The following TSC22D1 variants were observed in gnomAD, a reference collection of about 807,000 sequenced individuals.
TSC22D1 encodes TSC22 domain family member 1, also known as TSC22 domain family protein 1.
TSC22D1 carries 9 observed loss-of-function variants against 74.2 expected under a neutral mutation model. That is an observed-to-expected ratio of 0.12 (90% confidence interval 0.07 to 0.21). The LOEUF (loss-of-function observed/expected upper bound fraction) is 0.21, where lower values mean the gene tolerates loss of function less well. Among genes scored for constraint, TSC22D1 ranks in the 10% least tolerant of loss-of-function variants. The pLI is 1.00. For missense variants in TSC22D1, 1,427 were observed against 1,304.7 expected (o/e 1.09, Z -1.44); for synonymous variants, 586 against 492.5 (o/e 1.19, Z -2.51).
intron 1 of TSC22D1, among the ~76,000 whole-genome samples, chr13:44,555,749 CA>C (rs572955074): frequency 0.012 from 1,641 of 139,026 alleles, 21 homozygotes; most frequent in African/African-American, 0.036. Context: ...ATTAAAATAC[CA>C]AAAAAAAAAA....
In TSC22D1 at chr13:44,464,275, C is replaced by T. The variant is rs80187393; in HGVS notation, c.2913-28180G>A. On this transcript the variant is annotated intron_variant, in intron 1 of 2. Transcript: ENST00000458659. ...GTAATTTTGTCTTCTACTTCCTAAA[C>T]TTTCTTTAAGGTTATGTCACTTTCA... Among the ~76,000 whole-genome samples the T allele has an allele frequency of 3.4e-3, 512 of 152,198 alleles. 3 individuals carry two copies. The highest frequency in any genetic ancestry group is 0.012 in the African/African-American group (488 of 41,500).
intron 1 of TSC22D1, among the ~76,000 whole-genome samples, chr13:44,481,597 T>C (rs538213780): frequency 2.0e-5 from 3 of 152,220 alleles, no homozygotes; most frequent in Non-Finnish European, 4.4e-5. Context: ...AAGCATCTAC[T>C]ATGCTCAGGA....
At chr13:44,491,553 CAA>C (rs1166772028) in intron 1 of TSC22D1, among the ~76,000 whole-genome samples, 9 of 56,074 alleles carry the variant, frequency 1.6e-4, no homozygotes, top group Middle Eastern at 0.01. Flanking sequence ...GACTCCGTCT[CAA>C]AAAAAAAAAA....
At chr13:44,506,348 T>C (rs1400021718) in intron 1 of TSC22D1, among the ~76,000 whole-genome samples, 1 of 152,198 alleles carries the variant, frequency 6.6e-6, no homozygotes, top group Non-Finnish European at 1.5e-5. Flanking sequence ...TGGATAGAGC[T>C]GGAAGCCATT....
intron 1 of TSC22D1, among the ~76,000 whole-genome samples, chr13:44,467,373 TG>T (rs1328933520): frequency 6.6e-6 from 1 of 151,934 alleles, no homozygotes; most frequent in East Asian, 1.9e-4. Context: ...CAAAAGCAAG[TG>T]TAACAAAAAC....
rs1156754540 is a variant in TSC22D1, at chr13:44,575,203, G to C, written c.872C>G (p.Thr291Ser). 1.2e-6 allele frequency: 2 copies of C among 1,613,926 alleles called. No individual in the cohort carries two copies. The highest frequency in any genetic ancestry group is 2.7e-5 in the African/African-American group (2 of 74,922). Reference sequence around the variant, plus strand: ...TGTAGTACTTGGAGCACGCATATTAGTCATTACAGATGCAGGTGAACCACT... The same window carrying C: ...TGTAGTACTTGGAGCACGCATATTACTCATTACAGATGCAGGTGAACCACT... Reference protein sequence around the residue: ...SSSGSPASVMTNMRAPSTTGG... With the variant: ...SSSGSPASVMSNMRAPSTTGG... Residue 291 changes from threonine to serine, a missense_variant, in exon 1 of 3, where the codon ACT (threonine) becomes AGT (serine). This residue lies in a region of TSC22D1 where 1,343 missense variants were observed against 1,191.5 expected (regional missense o/e 1.13). Coordinates refer to ENST00000458659, the MANE Select transcript of TSC22D1 (RefSeq NM_183422.4).
intron 1 of TSC22D1, among the ~76,000 whole-genome samples, chr13:44,485,578 T>C (rs192845904): frequency 3.3e-5 from 5 of 152,250 alleles, no homozygotes; most frequent in Admixed American, 3.3e-4. Context: ...TGGAAATGGG[T>C]ACTCAGATAT....
chr13:44,494,290 C>T (rs1384399066), intron 1 of TSC22D1, among the ~76,000 whole-genome samples: 1 of 138,990 alleles, frequency 7.2e-6, no homozygotes, highest in Non-Finnish European at 1.5e-5. Flanking sequence ...GCAGGAGAAT[C>T]GCTTGAACCC....
chr13:44,512,644 TA>T (rs1322447936), intron 1 of TSC22D1, among the ~76,000 whole-genome samples: 1 of 139,402 alleles, frequency 7.2e-6, no homozygotes, highest in East Asian at 2.0e-4. Flanking sequence ...AGGAATTCCT[TA>T]GTAAAAGCAA....
chr13:44,432,158 TTTA>T lies in TSC22D1; in HGVS notation c.*2465_*2467del, dbSNP rs1329191447. On this transcript the variant is annotated 3_prime_UTR_variant, in exon 3 of 3. Coordinates refer to ENST00000458659, the MANE Select transcript of TSC22D1 (RefSeq NM_183422.4). Reference sequence around the variant, plus strand: ...GAGGAACATGTATGGAAAGACATCTTTTAATAATTCATTCTTATTTCACAAATA... The same window carrying T: ...GAGGAACATGTATGGAAAGACATCTTATAATTCATTCTTATTTCACAAATA... 2.0e-5 allele frequency: 3 copies of T among 152,220 alleles called. No individual in the cohort carries two copies. Among genetic ancestry groups the T allele is most frequent in the Non-Finnish European group, 4.4e-5 (3 of 68,030 alleles). The allele number at this position is 152,220 out of a possible 1,614,324, so 9.4% of individuals were successfully genotyped here. A position where few individuals can be genotyped will look rare whatever the true frequency, so the allele number is the denominator to read the frequency against.
At position 44,552,763 on chromosome 13, in the gene TSC22D1, C is replaced by T. The variant is rs183223841; in HGVS notation, c.2912+20400G>A. ...CAGCACTTTGGGAGGCCGAGGCAGGCGGATCACAAGGTTAGGAGATCGAGA... is the reference window on the plus strand; with the variant it reads ...CAGCACTTTGGGAGGCCGAGGCAGGTGGATCACAAGGTTAGGAGATCGAGA... On this transcript the variant is annotated intron_variant, in intron 1 of 2. Coordinates refer to ENST00000458659, the MANE Select transcript of TSC22D1 (RefSeq NM_183422.4). 7.8e-3 allele frequency among the ~76,000 whole-genome samples: 1,186 copies of T among 152,086 alleles called. 13 individuals carry two copies. Among genetic ancestry groups the T allele is most frequent in the African/African-American group, 0.027 (1,119 of 41,482 alleles).
intron 1 of TSC22D1, among the ~76,000 whole-genome samples, chr13:44,470,052 GCTGCTGGAAAC>G (rs1877513653): frequency 6.6e-6 from 1 of 152,294 alleles, no homozygotes; most frequent in South Asian, 2.1e-4. Context: ...AGAAAGGATT[GCTGCTGGAAAC>G]CATGCCCTCT....
intron 1 of TSC22D1, chr13:44,538,103 A>G (rs1419725570): frequency 1.0e-6 from 1 of 985,216 alleles, no homozygotes; most frequent in Non-Finnish European, 1.2e-6. Flanking sequence ...TCACACCTAC[A>G]GGCTTATTCT....
chr13:44,544,407 G>C (rs1292776899), intron 1 of TSC22D1, among the ~76,000 whole-genome samples: 1 of 150,468 alleles, frequency 6.6e-6, no homozygotes, highest in African/African-American at 2.4e-5. Flanking sequence ...CTAAGGTATT[G>C]TACTGACACT....
At chr13:44,547,974 G>T (rs995160006) in intron 1 of TSC22D1, among the ~76,000 whole-genome samples, 2 of 152,020 alleles carry the variant, frequency 1.3e-5, no homozygotes, top group African/African-American at 4.8e-5. Context: ...ACTGTATTAT[G>T]CATTTTATAT....
rs750266900 is a variant in TSC22D1 at position 44,573,400 on chromosome 13, A to G, written c.2675T>C (p.Leu892Pro). 7 of 1,614,274 alleles carry G rather than the reference A, an allele frequency of 4.3e-6. No individual in the cohort carries two copies. The highest frequency in any genetic ancestry group is 5.1e-6 in the Non-Finnish European group (6 of 1,180,056). Residue 892 changes from leucine (L) to proline (P), a missense_variant, in exon 1 of 3, where the codon CTA becomes CCA. By Grantham distance (98) the Leu-to-Pro change is moderately conservative. Transcript: ENST00000458659. ...TNLPLAQQIP[L>P]SSTQFSAQSL... The stretch of plus-strand genomic sequence containing the variant: ...TTGTGCGGAGAACTGGGTAGAACTT[A>G]GTGGTATCTGTTGTGCCAAAGGCAA...
intron 1 of TSC22D1, chr13:44,536,704 A>T: frequency 1.0e-6 from 1 of 977,146 alleles, no homozygotes; most frequent in Non-Finnish European, 1.2e-6. Context: ...GACTTGGTCA[A>T]ATTACTCTTG....
intron 1 of TSC22D1, among the ~76,000 whole-genome samples, chr13:44,475,141 G>A (rs1877835137): frequency 6.6e-6 from 1 of 152,030 alleles, no homozygotes; most frequent in Non-Finnish European, 1.5e-5. Flanking sequence ...TTAATTATGA[G>A]ACGGAAAATG....
In TSC22D1 at chr13:44,434,078, G is replaced by A. The variant is rs1874297380; in HGVS notation, c.*548C>T. The A allele has an allele frequency of 1.3e-5, 20 of 1,527,654 alleles. No homozygotes were observed. The highest frequency in any genetic ancestry group is 6.2e-5 in the Admixed American group (3 of 48,094). The allele number at this position is 1,527,654 out of a possible 1,614,324, so 94.6% of individuals were successfully genotyped here. A position where few individuals can be genotyped will look rare whatever the true frequency, so the allele number is the denominator to read the frequency against. On this transcript the variant is annotated 3_prime_UTR_variant, in exon 3 of 3. Transcript: ENST00000458659. ...TAGTTTTGTGTCATCCATTGTTTGA[G>A]AAGAAAGAGGCACAGTACTATTGTT... is the stretch of plus-strand genomic sequence containing the variant.
Sources: gnomAD v4.1 joint callset for allele counts (sites outside exome capture counted in the v4.1 genomes callset) on GRCh38, gnomAD v4.1.1 for gene constraint, gnomAD v4.1.1 regional missense constraint, MANE v1.5 for transcripts, NCBI Gene and HGNC (gene_info 2026-07-23, HGNC 2026-07-21) for gene names.